The following TMEM196 variants were observed in gnomAD, a reference collection of about 807,000 sequenced individuals.
TMEM196 encodes the protein transmembrane protein 196.
In TMEM196, 17 loss-of-function variants were observed where a neutral mutation model predicts 20.0. The ratio of observed to expected loss-of-function variants is 0.85; its 90% CI spans 0.58 to 1.27. TMEM196 has a LOEUF of 1.27. Ranked by LOEUF, TMEM196 falls within the 50% of genes most tolerant of loss-of-function variation. TMEM196 has a pLI of 0.00. For synonymous variants in TMEM196, 113 were observed against 88.9 expected (o/e 1.27, Z -1.52); for missense variants, 267 against 223.0 (o/e 1.20, Z -1.26).
chr7:19,772,482 C>G, intron 1 of TMEM196, 68 bp downstream of exon 1: 2 of 1,409,750 alleles, frequency 1.4e-6, no homozygotes, highest in South Asian at 3.1e-5. Flanking sequence ...TGCGCGCACC[C>G]TGACCATCAC....
chr7:19,758,848 C>G (rs1303120367), intron 1 of TMEM196, among the ~76,000 whole-genome samples: 1 of 152,126 alleles, frequency 6.6e-6, no homozygotes, highest in Non-Finnish European at 1.5e-5. Flanking sequence ...TCATACTTGA[C>G]TTAGTCATAC....
At chr7:19,763,446 G>T (rs1785507327) in intron 1 of TMEM196, among the ~76,000 whole-genome samples, 1 of 152,048 alleles carries the variant, frequency 6.6e-6, no homozygotes, top group African/African-American at 2.4e-5. Context: ...GTCTCTGTTT[G>T]GTAGAACAAA....
intron 1 of TMEM196, among the ~76,000 whole-genome samples, chr7:19,731,216 T>C (rs1156581298): frequency 1.3e-5 from 2 of 152,182 alleles, no homozygotes; most frequent in Admixed American, 6.5e-5. Flanking sequence ...TAACATACTT[T>C]AGAAATAGAT....
chr7:19,765,506 T>C lies in TMEM196; in HGVS notation c.147+7044A>G, dbSNP rs562246132. 1.0e-3 allele frequency among the ~76,000 whole-genome samples: 153 copies of C among 152,340 alleles called. 1 individual carries two copies. The highest frequency in any genetic ancestry group is 3.5e-3 in the African/African-American group (146 of 41,586). On this transcript the variant is annotated intron_variant, in intron 1 of 4. Coordinates refer to ENST00000405844, the MANE Select transcript of TMEM196 (RefSeq NM_001363562.2). ...AAGTTTCTAAGATATTAAGCATCTT[T>C]ATTAGATGTGTTAATTTGTACTTTC... is the stretch of plus-strand genomic sequence containing the variant.
intron 1 of TMEM196, among the ~76,000 whole-genome samples, chr7:19,753,133 C>T (rs1165434290): frequency 6.6e-6 from 1 of 152,146 alleles, no homozygotes. Context: ...CTCCAGGGTC[C>T]ATCTGAAATT....
At chr7:19,731,920 G>A (rs1444777438) in intron 1 of TMEM196, among the ~76,000 whole-genome samples, 1 of 152,130 alleles carries the variant, frequency 6.6e-6, no homozygotes, top group Non-Finnish European at 1.5e-5. Flanking sequence ...ACATGTCCTA[G>A]AGAAAAGCTG....
intron 1 of TMEM196, among the ~76,000 whole-genome samples, chr7:19,750,836 T>C (rs1242938035): frequency 6.6e-6 from 1 of 152,002 alleles, no homozygotes; most frequent in African/African-American, 2.4e-5. Context: ...AATCATATAT[T>C]ATATCTTTTA....
intron 1 of TMEM196, among the ~76,000 whole-genome samples, chr7:19,769,743 C>T (rs1785788124): frequency 6.6e-6 from 1 of 152,016 alleles, no homozygotes; most frequent in African/African-American, 2.4e-5. Context: ...AAAGGAAATA[C>T]AGTATAACAA....
intron 1 of TMEM196, among the ~76,000 whole-genome samples, chr7:19,760,828 A>C (rs1355797387): frequency 6.6e-6 from 1 of 152,182 alleles, no homozygotes; most frequent in African/African-American, 2.4e-5. Context: ...GTAGCCGTGG[A>C]ATCAATATTT....
intron 1 of TMEM196, among the ~76,000 whole-genome samples, chr7:19,740,654 A>G (rs1011430305): frequency 3.3e-5 from 5 of 152,120 alleles, no homozygotes; most frequent in Non-Finnish European, 7.4e-5. Flanking sequence ...TTGGAATGAG[A>G]GGGTGGCACC....
intron 1 of TMEM196, among the ~76,000 whole-genome samples, chr7:19,751,545 G>T (rs1382441157): frequency 2.0e-5 from 3 of 152,104 alleles, no homozygotes; most frequent in African/African-American, 7.2e-5. Flanking sequence ...TTGGTAAAAT[G>T]GATGTACTCC....
chr7:19,743,344 T>G (rs2128024927), intron 1 of TMEM196, among the ~76,000 whole-genome samples: 1 of 152,278 alleles, frequency 6.6e-6, no homozygotes, highest in Middle Eastern at 3.4e-3. Context: ...TCTTTCTCTG[T>G]TTGTTTCACT....
rs564916581 is a variant in TMEM196 at position 19,767,222 on chromosome 7, T to C, written c.147+5328A>G. ...AAATGTGACAAAACTCACCAAATTT[T>C]CTATTATACCACTATCAATTTACAC... On this transcript the variant is annotated intron_variant, in intron 1 of 4. Transcript: ENST00000405844. 3.4e-4 allele frequency among the ~76,000 whole-genome samples: 52 copies of C among 152,238 alleles called. No individual in the cohort carries two copies. The South Asian group carries it at 0.01, about 30-fold the overall frequency.
At chr7:19,771,889 T>A (rs1785895223) in intron 1 of TMEM196, among the ~76,000 whole-genome samples, 1 of 152,218 alleles carries the variant, frequency 6.6e-6, no homozygotes, top group African/African-American at 2.4e-5. Context: ...CGTCTTACCA[T>A]CTGATGTTTT....
intron 1 of TMEM196, among the ~76,000 whole-genome samples, chr7:19,748,308 C>T (rs1301956843): frequency 2.0e-5 from 2 of 99,532 alleles, no homozygotes; most frequent in Non-Finnish European, 3.9e-5. Context: ...AATGACAGAA[C>T]TTAGAAAGAA....
chr7:19,762,192 C>A (rs1785461297), intron 1 of TMEM196, among the ~76,000 whole-genome samples: 1 of 151,912 alleles, frequency 6.6e-6, no homozygotes, highest in African/African-American at 2.4e-5. Context: ...TAGTTATAGT[C>A]ATTATTCACA....
At chr7:19,738,890 A>G (rs1038256401) in intron 1 of TMEM196, among the ~76,000 whole-genome samples, 1 of 152,180 alleles carries the variant, frequency 6.6e-6, no homozygotes, top group African/African-American at 2.4e-5. Context: ...CCCACTATCT[A>G]AGTGTGAGCC....
At chr7:19,769,912 C>G (rs1378064450) in intron 1 of TMEM196, among the ~76,000 whole-genome samples, 1 of 152,102 alleles carries the variant, frequency 6.6e-6, no homozygotes, top group Admixed American at 6.6e-5. Context: ...GCCCTGGAAC[C>G]AATCCCCTAT....
chr7:19,740,327 A>ATG (rs1335524350), intron 1 of TMEM196, among the ~76,000 whole-genome samples: 1 of 152,196 alleles, frequency 6.6e-6, no homozygotes, highest in Non-Finnish European at 1.5e-5. Context: ...TTGCTCATAC[A>ATG]TGTGTAAAGT....
Sources: gnomAD v4.1 joint callset for allele counts (sites outside exome capture counted in the v4.1 genomes callset) on GRCh38, gnomAD v4.1.1 for gene constraint, MANE v1.5 for transcripts, NCBI Gene and HGNC (gene_info 2026-07-23, HGNC 2026-07-21) for gene names.